The following BTBD9 variants were observed in gnomAD, a reference collection of about 807,000 sequenced individuals.
BTBD9 encodes the protein BTB domain containing 9.
In BTBD9, 49 loss-of-function variants were observed where a neutral mutation model predicts 64.3. The observed-to-expected ratio is 0.76, with a 90% CI of 0.61 to 0.97. The LOEUF (loss-of-function observed/expected upper bound fraction) is 0.97. Ranked by LOEUF, BTBD9 falls within the 50% of genes least tolerant of loss-of-function variation. The pLI is 0.00. For missense variants in BTBD9, 598 were observed against 762.1 expected, an observed-to-expected ratio of 0.78 and a Z score of 2.53; for synonymous variants, 260 against 274.7, an observed-to-expected ratio of 0.95 and a Z score of 0.53.
intron 8 of BTBD9, among the ~76,000 whole-genome samples, chr6:38,259,052 C>T (rs180801620): frequency 6.6e-6 from 1 of 152,284 alleles, no homozygotes; most frequent in East Asian, 1.9e-4. Flanking sequence ...TATGAAATTA[C>T]AGATATTGAA....
At chr6:38,361,638 C>T (rs1165128498) in intron 6 of BTBD9, among the ~76,000 whole-genome samples, 3 of 152,104 alleles carry the variant, frequency 2.0e-5, no homozygotes, top group Non-Finnish European at 4.4e-5. Context: ...GTCAGGAGTT[C>T]GAGACCAGCC....
rs1400658727 is a variant in BTBD9, at chr6:38,424,610, G to A, written c.1155-79517C>T. 4.6e-5 allele frequency among the ~76,000 whole-genome samples: 7 copies of A among 151,430 alleles called. No homozygotes were observed. In the South Asian group the frequency reaches 6.3e-4, roughly 14 times the overall value. On this transcript the variant is annotated intron_variant, in intron 6 of 10. Coordinates refer to ENST00000481247, the MANE Select transcript of BTBD9 (RefSeq NM_001099272.2). ...CGACTCATTGCAACCGCTGCCTCCC[G>A]GGTTCAAGAGATTCTCCTGCCTCAG... is the stretch of plus-strand genomic sequence containing the variant.
At chr6:38,247,080 A>G (rs1203357733) in intron 9 of BTBD9, among the ~76,000 whole-genome samples, 1 of 152,110 alleles carries the variant, frequency 6.6e-6, no homozygotes, top group East Asian at 1.9e-4. Flanking sequence ...TAAGTGTGAG[A>G]TTAAGAAACA....
intron 9 of BTBD9, among the ~76,000 whole-genome samples, chr6:38,210,829 G>A (rs577215318): frequency 4.6e-5 from 7 of 151,866 alleles, no homozygotes; most frequent in Non-Finnish European, 8.8e-5. Context: ...TCTATTATCC[G>A]CCTTCTCCAA....
intron 1 of BTBD9, among the ~76,000 whole-genome samples, chr6:38,621,127 T>C (rs1777967193): frequency 6.6e-6 from 1 of 152,174 alleles, no homozygotes; most frequent in Non-Finnish European, 1.5e-5. Context: ...GGTGGCCATC[T>C]TAATATCAGA....
rs546839279 is a variant in BTBD9 at position 38,221,720 on chromosome 6, C to T, written c.1563-29123G>A. On this transcript the variant is annotated intron_variant, in intron 9 of 10. Coordinates refer to ENST00000481247, the MANE Select transcript of BTBD9 (RefSeq NM_001099272.2). The stretch of plus-strand genomic sequence containing the variant: ...AGATATGATCTCAAAAGGCCGGGTG[C>T]GGTGGCTCACGCCTGTAATCCCAGC... Among the ~76,000 whole-genome samples the T allele has an allele frequency of 9.8e-5, 15 of 152,312 alleles. No individual in the cohort carries two copies. In the South Asian group the frequency reaches 2.7e-3, roughly 27 times the overall value.
At chr6:38,554,512 C>G (rs2127450594) in intron 6 of BTBD9, among the ~76,000 whole-genome samples, 1 of 152,306 alleles carries the variant, frequency 6.6e-6, no homozygotes, top group East Asian at 1.9e-4. Context: ...TGAATGAGCT[C>G]TATTTAGAAA....
At chr6:38,556,453 T>C (rs1268709993) in intron 6 of BTBD9, among the ~76,000 whole-genome samples, 1 of 151,948 alleles carries the variant, frequency 6.6e-6, no homozygotes, top group East Asian at 1.9e-4. Flanking sequence ...CAAATGCTTT[T>C]AGAAGATTAA....
intron 6 of BTBD9, among the ~76,000 whole-genome samples, chr6:38,535,844 T>G (rs1301633964): frequency 6.6e-6 from 1 of 151,870 alleles, no homozygotes; most frequent in Non-Finnish European, 1.5e-5. Context: ...AAAAACCAAG[T>G]CAAAATGGAT....
chr6:38,582,041 A>G (rs1776308324), intron 4 of BTBD9, among the ~76,000 whole-genome samples: 1 of 152,220 alleles, frequency 6.6e-6, no homozygotes, highest in African/African-American at 2.4e-5. Context: ...ATAGTAATTC[A>G]TCATTGCAGA....
At chr6:38,304,407 A>T (rs958677557) in intron 7 of BTBD9, among the ~76,000 whole-genome samples, 1 of 151,962 alleles carries the variant, frequency 6.6e-6, no homozygotes, top group African/African-American at 2.4e-5. Context: ...TTAGCCAGGC[A>T]TGGTGGCGGT....
At chr6:38,188,778 A>C (rs1209809167) in intron 10 of BTBD9, among the ~76,000 whole-genome samples, 2 of 151,944 alleles carry the variant, frequency 1.3e-5, no homozygotes, top group Admixed American at 1.3e-4. Context: ...TGAAGGTGAA[A>C]CCCCCGTGAT....
Position 38,594,101 on chromosome 6 carries a change from TA to T in BTBD9, c.411del (p.Asn138ThrfsTer7). Reference protein sequence around the residue: ...DSTSEYLCTILNIQNVCMTFD... With the variant: ...DSTSEYLCTIXNIQNVCMTFD... ...AAAGTCATGCAGACATTCTGAATGT[TA>T]AGTATGGTGCAGAGATACTCAGAGG... is the stretch of plus-strand genomic sequence containing the variant. On this transcript the variant is annotated frameshift_variant, in exon 3 of 11. Transcript: ENST00000481247. LOFTEE classifies it high-confidence loss of function. The T allele has an allele frequency of 6.2e-7, 1 of 1,614,174 alleles. No homozygotes were observed. The highest frequency in any genetic ancestry group is 1.1e-5 in the South Asian group (1 of 91,080).
intron 9 of BTBD9, among the ~76,000 whole-genome samples, chr6:38,210,634 A>C (rs1762804109): frequency 6.6e-6 from 1 of 151,978 alleles, no homozygotes; most frequent in South Asian, 2.1e-4. Flanking sequence ...CTAGTCAATC[A>C]AATTAGTCTA....
In BTBD9 at chr6:38,171,562, GTGT is replaced by G. The variant is rs1766762200; in HGVS notation, c.*3420_*3422del. 1 of 3,440 alleles carries G rather than the reference GTGT, an allele frequency of 2.9e-4. No individual in the cohort carries two copies. Among genetic ancestry groups the G allele is most frequent in the Non-Finnish European group, 1.3e-3 (1 of 780 alleles). 0.2% of individuals were successfully genotyped at this position (3,440 alleles called of 1,614,324 possible). A position where few individuals can be genotyped will look rare whatever the true frequency, so the allele number is the denominator to read the frequency against. On this transcript the variant is annotated 3_prime_UTR_variant, in exon 11 of 11. Coordinates refer to ENST00000481247, the MANE Select transcript of BTBD9 (RefSeq NM_001099272.2). ...TGAGAAAATGGTAAAACGGGTGTGT[GTGT>G]GTGTGTGTGTGTGTGTGTGTGTGTG...
chr6:38,335,783 G>A (rs1763869949), intron 7 of BTBD9, among the ~76,000 whole-genome samples: 1 of 151,930 alleles, frequency 6.6e-6, no homozygotes, highest in Non-Finnish European at 1.5e-5. Flanking sequence ...GCCCAGGCTG[G>A]AGTGCAGTGG....
chr6:38,367,107 G>A (rs543263477), intron 6 of BTBD9, among the ~76,000 whole-genome samples: 7 of 152,270 alleles, frequency 4.6e-5, no homozygotes, highest in African/African-American at 1.7e-4. Flanking sequence ...ACAGATAAAC[G>A]ATTTCTGACT....
intron 3 of BTBD9, 121 bp downstream of exon 3, chr6:38,593,843 A>G (rs901835245): frequency 3.3e-6 from 3 of 901,644 alleles, no homozygotes; most frequent in East Asian, 2.5e-5. Context: ...CAGATAACCA[A>G]TGATAACGCT....
At chr6:38,239,160 C>G (rs1285554963) in intron 9 of BTBD9, among the ~76,000 whole-genome samples, 1 of 152,026 alleles carries the variant, frequency 6.6e-6, no homozygotes, top group Non-Finnish European at 1.5e-5. Flanking sequence ...TGGCCAGGAG[C>G]GGTGGCTCAT....
Sources: allele counts gnomAD v4.1 joint callset (sites outside exome capture counted in the v4.1 genomes callset), GRCh38; gene constraint gnomAD v4.1.1; transcripts MANE v1.5; gene names NCBI Gene and HGNC (gene_info 2026-07-23, HGNC 2026-07-21).